CFAP47: variants seen among roughly 807,000 people sequenced by gnomAD.
CFAP47 encodes cilia- and flagella-associated protein 47.
A neutral mutation model predicts 148.1 loss-of-function variants in CFAP47; 29 were observed. That is an observed-to-expected ratio of 0.20 (90% CI 0.15 to 0.27). CFAP47 has a LOEUF of 0.27. Among genes scored for constraint, CFAP47 ranks in the 10% least tolerant of loss-of-function variants. The probability of loss-of-function intolerance (pLI) is 1.00; values close to 1 mark genes in which losing one functional copy is unlikely to be tolerated. For missense variants in CFAP47, 1,872 were observed against 1,697.5 expected (o/e 1.10, Z -1.81); for synonymous variants, 664 against 577.3 (o/e 1.15, Z -2.15).
chrX:36,354,510 T>A (rs899765620), intron 60 of CFAP47, among the ~76,000 whole-genome samples: 5 of 107,428 alleles, frequency 4.7e-5, no homozygotes, highest in Non-Finnish European at 9.6e-5. Flanking sequence ...AGATTTACTA[T>A]CTCAATTAAA....
At chrX:36,355,342 A>G (rs1602123314) in intron 60 of CFAP47, among the ~76,000 whole-genome samples, 1 of 111,727 alleles carries the variant, frequency 9.0e-6, no homozygotes, top group Non-Finnish European at 1.9e-5. Context: ...GAGAATTATC[A>G]TCTATTATCT....
chrX:36,218,717 G>A (rs908635195), intron 45 of CFAP47, among the ~76,000 whole-genome samples: 2 of 112,053 alleles, frequency 1.8e-5, no homozygotes, highest in Non-Finnish European at 3.8e-5. Context: ...AGATGGTCGA[G>A]TTACAGTTTG....
chrX:36,129,937 A>G (rs757871412), intron 33 of CFAP47, among the ~76,000 whole-genome samples: 9 of 111,764 alleles, frequency 8.1e-5, no homozygotes, highest in African/African-American at 2.9e-4. Flanking sequence ...ATTTGAATAG[A>G]CATTTCTAAA....
intron 49 of CFAP47, among the ~76,000 whole-genome samples, chrX:36,260,594 G>A (rs2146929660): frequency 8.9e-6 from 1 of 111,996 alleles, no homozygotes; most frequent in Non-Finnish European, 1.9e-5. Flanking sequence ...TGTGTATTAA[G>A]TTACTTATAG....
At chrX:36,272,429 C>CA (rs1357470308) in intron 49 of CFAP47, among the ~76,000 whole-genome samples, 4 of 110,458 alleles carry the variant, frequency 3.6e-5, no homozygotes, top group African/African-American at 9.8e-5. Flanking sequence ...AGAGCTTCAG[C>CA]AAAAAAAATG....
intron 37 of CFAP47, among the ~76,000 whole-genome samples, chrX:36,157,087 C>G (rs1442847336): frequency 1.8e-5 from 2 of 110,375 alleles, no homozygotes; most frequent in Admixed American, 1.9e-4. Context: ...TTCTTTTTCC[C>G]TTCTTCACCT....
At chrX:36,191,886 G>A (rs894193045) in intron 42 of CFAP47, among the ~76,000 whole-genome samples, 5 of 110,697 alleles carry the variant, frequency 4.5e-5, no homozygotes, top group Non-Finnish European at 9.4e-5. Context: ...AGGAGGCTGA[G>A]GCAGGAGAAT....
chrX:36,089,945 G>C (rs1003872627), intron 30 of CFAP47, among the ~76,000 whole-genome samples: 1 of 112,103 alleles, frequency 8.9e-6, no homozygotes, highest in Non-Finnish European at 1.9e-5. Flanking sequence ...CACCTGCTTA[G>C]ATATTTCCTG....
At chrX:35,942,544 T>G (rs2146633618) in intron 3 of CFAP47, among the ~76,000 whole-genome samples, 1 of 111,584 alleles carries the variant, frequency 9.0e-6, no homozygotes, top group East Asian at 2.8e-4. Context: ...AATATGATCC[T>G]TTAGACTCTC....
chrX:36,253,320 T>C (rs1307122035), intron 49 of CFAP47, among the ~76,000 whole-genome samples: 1 of 111,589 alleles, frequency 9.0e-6, no homozygotes, highest in Middle Eastern at 4.2e-3. Context: ...TAGAGTTAAA[T>C]TAGTTGTCCC....
intron 3 of CFAP47, 120 bp downstream of exon 3, chrX:35,941,518 T>C (rs921895070): frequency 7.2e-5 from 28 of 391,218 alleles, no homozygotes; most frequent in Middle Eastern, 1.4e-3. Context: ...TTCAAATAGC[T>C]CAAAACCAAA....
At chrX:36,346,475 G>A (rs782798783) in intron 57 of CFAP47, among the ~76,000 whole-genome samples, 4 of 111,589 alleles carry the variant, frequency 3.6e-5, no homozygotes, top group Admixed American at 2.9e-4. Flanking sequence ...ACAACTAGGA[G>A]CAGATGCCCC....
chrX:36,065,070 G>T (rs1254265044), intron 26 of CFAP47, among the ~76,000 whole-genome samples: 1 of 111,974 alleles, frequency 8.9e-6, no homozygotes, highest in Non-Finnish European at 1.9e-5. Flanking sequence ...CCTGGCAGTA[G>T]AAAGAATCCT....
In CFAP47 at chrX:36,070,955, A is replaced by G. The variant is rs1434864696; in HGVS notation, c.4319-870A>G. Among the ~76,000 whole-genome samples, 7 of 112,281 alleles carry G rather than the reference A, an allele frequency of 6.2e-5. No individual in the cohort carries two copies. The Admixed American group carries it at 6.6e-4, about 11-fold the overall frequency. On this transcript the variant is annotated intron_variant, in intron 27 of 63. Coordinates refer to ENST00000378653, the MANE Select transcript of CFAP47 (RefSeq NM_001304548.2). Reference sequence around the variant, plus strand: ...TAAACCACCCCTTAATCTGCATGCAATTAAAAATGGGAATAAATATGACTG... The same window carrying G: ...TAAACCACCCCTTAATCTGCATGCAGTTAAAAATGGGAATAAATATGACTG...
intron 18 of CFAP47, among the ~76,000 whole-genome samples, chrX:35,996,406 G>T (rs1936848734): frequency 9.0e-6 from 1 of 111,184 alleles, no homozygotes; most frequent in Non-Finnish European, 1.9e-5. Flanking sequence ...CAGTAATTCT[G>T]AAAAATGGTA....
chrX:36,110,035 G>T (rs1408974216), intron 33 of CFAP47, among the ~76,000 whole-genome samples: 1 of 111,375 alleles, frequency 9.0e-6, no homozygotes, highest in Non-Finnish European at 1.9e-5. Flanking sequence ...TGCATAGATT[G>T]CAAAACTTTT....
chrX:36,026,549 TG>T (rs1937218844), intron 22 of CFAP47, among the ~76,000 whole-genome samples: 1 of 111,571 alleles, frequency 9.0e-6, no homozygotes, highest in African/African-American at 3.2e-5. Context: ...CTATAAACCT[TG>T]TTCCCAAAGA....
intron 56 of CFAP47, among the ~76,000 whole-genome samples, chrX:36,312,134 G>A (rs1035105445): frequency 9.0e-6 from 1 of 110,556 alleles, no homozygotes; most frequent in Non-Finnish European, 1.9e-5. Flanking sequence ...AACGAGGTAA[G>A]GTTTAACTGA....
intron 39 of CFAP47, among the ~76,000 whole-genome samples, chrX:36,167,058 AT>A (rs1050015779): frequency 1.8e-5 from 2 of 111,147 alleles, no homozygotes; most frequent in African/African-American, 6.5e-5. Flanking sequence ...ATTGTTTAAG[AT>A]TTTTTCTGAC....
Sources: gnomAD v4.1 joint callset for allele counts (sites outside exome capture counted in the v4.1 genomes callset) on GRCh38, gnomAD v4.1.1 for gene constraint, MANE v1.5 for transcripts, NCBI Gene and HGNC (gene_info 2026-07-23, HGNC 2026-07-21) for gene names.